The following ZFHX3 variants were observed in gnomAD, a reference collection of about 807,000 sequenced individuals.
ZFHX3 encodes the protein zinc finger homeobox protein 3.
A neutral mutation model predicts 279.1 loss-of-function variants in ZFHX3; 42 were observed. The observed-to-expected ratio is 0.15, with a 90% CI of 0.12 to 0.19. ZFHX3 has a LOEUF of 0.19. Among genes scored for constraint, ZFHX3 ranks in the 10% least tolerant of loss-of-function variants. The pLI is 1.00. For missense variants in ZFHX3, 4,981 were observed against 4,754.0 expected, an observed-to-expected ratio of 1.05 and a Z score of -1.40; for synonymous variants, 2,293 against 1,957.8, an observed-to-expected ratio of 1.17 and a Z score of -4.52.
At chr16:72,929,235 T>A (rs1313800690) in intron 3 of ZFHX3, among the ~76,000 whole-genome samples, 2 of 147,560 alleles carry the variant, frequency 1.4e-5, no homozygotes, top group Non-Finnish European at 1.5e-5. Flanking sequence ...CGCCAGACCC[T>A]GTCTAAAAAA....
intron 2 of ZFHX3, among the ~76,000 whole-genome samples, chr16:73,509,863 T>C (rs1463422759): frequency 1.3e-5 from 2 of 151,994 alleles, no homozygotes; most frequent in Non-Finnish European, 1.5e-5. Flanking sequence ...GCCCGGCTGA[T>C]TTTTGCATTT....
intron 1 of ZFHX3, among the ~76,000 whole-genome samples, chr16:73,040,307 T>C (rs947263158): frequency 4.0e-5 from 6 of 150,940 alleles, no homozygotes; most frequent in Non-Finnish European, 8.9e-5. Flanking sequence ...AGCGTGGTGC[T>C]GAATGAGAAC....
At chr16:73,660,412 G>C (rs2052769261) in intron 2 of ZFHX3, among the ~76,000 whole-genome samples, 1 of 152,120 alleles carries the variant, frequency 6.6e-6, no homozygotes, top group African/African-American at 2.4e-5. Context: ...AAAAATATTT[G>C]TGCTGCCTTC....
chr16:73,593,612 G>T (rs995649160), intron 2 of ZFHX3, among the ~76,000 whole-genome samples: 1 of 151,624 alleles, frequency 6.6e-6, no homozygotes, highest in African/African-American at 2.4e-5. Context: ...AGGAAGGAAG[G>T]AAGGAAGGGA....
intron 2 of ZFHX3, among the ~76,000 whole-genome samples, chr16:73,546,672 TGCTGCTGCTGCTGCTGCTGC>T: frequency 1.4e-3 from 1 of 732 alleles, no homozygotes; most frequent in South Asian, 0.05. Context: ...GTGCTGCTGT[TGCTGCTGCTGCTGCTGCTGC>T]TGCTGCTGCT....
chr16:73,774,429 C>T (rs1228264010), intron 1 of ZFHX3, among the ~76,000 whole-genome samples: 43 of 152,290 alleles, frequency 2.8e-4, no homozygotes, highest in Admixed American at 2.7e-3. Context: ...ACCCATGACA[C>T]ACCAGGACCC....
At chr16:73,532,682 T>A (rs535846114) in intron 2 of ZFHX3, among the ~76,000 whole-genome samples, 1 of 152,094 alleles carries the variant, frequency 6.6e-6, no homozygotes, top group African/African-American at 2.4e-5. Flanking sequence ...CTTATTGTAA[T>A]GGGAATAATA....
chr16:73,471,330 T>C (rs1370092729), intron 2 of ZFHX3, among the ~76,000 whole-genome samples: 1 of 152,174 alleles, frequency 6.6e-6, no homozygotes, highest in Admixed American at 6.5e-5. Flanking sequence ...CTAAAGAGAT[T>C]AGCCAAGGTA....
chr16:73,428,087 C>T (rs572285721), intron 3 of ZFHX3, among the ~76,000 whole-genome samples: 17 of 152,136 alleles, frequency 1.1e-4, no homozygotes, highest in African/African-American at 2.4e-4. Context: ...TAAGCCGGGT[C>T]CCTTTGCCAG....
chr16:73,284,029 A>G (rs2014524865), intron 4 of ZFHX3, among the ~76,000 whole-genome samples: 1 of 152,154 alleles, frequency 6.6e-6, no homozygotes, highest in South Asian at 2.1e-4. Flanking sequence ...GAAAATAAAT[A>G]TGATCCTGGC....
At chr16:72,824,824 G>A (rs1343939870) in intron 5 of ZFHX3, among the ~76,000 whole-genome samples, 1 of 152,178 alleles carries the variant, frequency 6.6e-6, no homozygotes, top group East Asian at 1.9e-4. Context: ...GACACGGGGG[G>A]CTCTTCATTC....
At chr16:73,268,692 C>G (rs547194740) in intron 4 of ZFHX3, among the ~76,000 whole-genome samples, 1 of 152,342 alleles carries the variant, frequency 6.6e-6, no homozygotes, top group African/African-American at 2.4e-5. Flanking sequence ...CGCACCTGCC[C>G]TTTCATCAGC....
At chr16:73,374,414 T>G (rs1001722) in intron 3 of ZFHX3, among the ~76,000 whole-genome samples, 88,509 of 151,968 alleles carry the variant, frequency 0.58, 27,746 homozygotes, top group Non-Finnish European at 0.72. Context: ...GTTCATCTAT[T>G]CCTCCCACTC....
chr16:73,728,960 T>A (rs11646102), intron 1 of ZFHX3, among the ~76,000 whole-genome samples: 125 of 152,162 alleles, frequency 8.2e-4, no homozygotes, highest in Middle Eastern at 3.4e-3. Flanking sequence ...ACAGTTCCCA[T>A]CCACACTGCC....
In ZFHX3 at chr16:73,819,901, T is replaced by C. The variant is rs1960684333; in HGVS notation, c.-1608+71750A>G. On this transcript the variant is annotated intron_variant, in intron 1 of 17. Transcript: ENST00000641206. ...TGGCCAAGTGTGAAGTCTTACTGCATACCGGCTGTGGCAGATCTTATTTTC... is the reference window on the plus strand; with the variant it reads ...TGGCCAAGTGTGAAGTCTTACTGCACACCGGCTGTGGCAGATCTTATTTTC... Among the ~76,000 whole-genome samples the C allele has an allele frequency of 2.0e-5, 3 of 152,204 alleles. No individual in the cohort carries two copies. The South Asian group carries it at 6.2e-4, about 31-fold the overall frequency.
intron 1 of ZFHX3, among the ~76,000 whole-genome samples, chr16:73,776,132 C>G (rs1242983796): frequency 2.0e-5 from 3 of 152,086 alleles, no homozygotes; most frequent in Non-Finnish European, 4.4e-5. Flanking sequence ...GCAGGGATGC[C>G]AAAATCGCTT....
At chr16:73,444,978 A>ACAAAT in intron 3 of ZFHX3, among the ~76,000 whole-genome samples, 1 of 144,526 alleles carries the variant, frequency 6.9e-6, no homozygotes, top group Admixed American at 6.9e-5. Flanking sequence ...AAAAAAAAAA[A>ACAAAT]AAACAAATTA....
intron 1 of ZFHX3, among the ~76,000 whole-genome samples, chr16:73,844,143 T>A (rs547212769): frequency 1.3e-5 from 2 of 151,970 alleles, no homozygotes; most frequent in Admixed American, 1.3e-4. Context: ...GACAGATGCC[T>A]GCAAAGAATA....
rs528307802 is a variant in ZFHX3 at position 72,783,473 on chromosome 16, C to T, written c.*3691G>A. 2 of 152,722 alleles carry T rather than the reference C, an allele frequency of 1.3e-5. No individual in the cohort carries two copies. The highest frequency in any genetic ancestry group is 4.8e-5 in the African/African-American group (2 of 41,556). The allele number at this position is 152,722 out of a possible 1,614,324, so 9.5% of individuals were successfully genotyped here. ...TGGCTTGGGTCACTGCCTCTCTCTC[C>T]TGCAACTTCCTGCCATGCCTGATAA... On this transcript the variant is annotated 3_prime_UTR_variant, in exon 10 of 10. Coordinates refer to ENST00000268489, the MANE Select transcript of ZFHX3 (RefSeq NM_006885.4).
Sources: gnomAD v4.1 joint callset for allele counts (sites outside exome capture counted in the v4.1 genomes callset) on GRCh38, gnomAD v4.1.1 for gene constraint, MANE v1.5 for transcripts, NCBI Gene and HGNC (gene_info 2026-07-23, HGNC 2026-07-21) for gene names.